Variants in SYT12 observed in about 807,000 individuals in gnomAD.
The protein encoded by SYT12 is synaptotagmin 12, also known as synaptotagmin-12.
A neutral mutation model predicts 39.5 loss-of-function variants in SYT12; 27 were observed. The ratio of observed to expected loss-of-function variants is 0.68; its 90% CI spans 0.50 to 0.94. The LOEUF is 0.94. SYT12 is among the 40% of genes least tolerant of loss of function. The probability of loss-of-function intolerance (pLI) is 0.00; values close to 1 mark genes in which losing one functional copy is unlikely to be tolerated. For synonymous variants in SYT12, 233 were observed against 239.7 expected, an observed-to-expected ratio of 0.97 and a Z score of 0.26; for missense variants, 536 against 572.6, an observed-to-expected ratio of 0.94 and a Z score of 0.65.
Position 67,045,869 on chromosome 11 carries a change from G to T in SYT12, c.1084G>T (p.Val362Leu). The stretch of plus-strand genomic sequence containing the variant: ...CATGATCTTCTCGGTGCCAGCCATT[G>T]TGCTCCAGGTGAGGGGGGCTGGGGG... ...EAMIFSVPAI[V>L]LQDLSLRVTV... The change falls in exon 7 of 8, where the codon GTG becomes TTG. Residue 362 changes from valine to leucine, a missense_variant. By Grantham distance (32) the Val-to-Leu change is conservative. Transcript: ENST00000527043. 1 of 1,614,012 alleles carries T rather than the reference G, an allele frequency of 6.2e-7. No homozygotes were observed. Among genetic ancestry groups the T allele is most frequent in the Non-Finnish European group, 8.5e-7 (1 of 1,179,948 alleles).
chr11:67,027,200 G>A (rs948386896), intron 1 of SYT12: 2 of 152,500 alleles, frequency 1.3e-5, no homozygotes, highest in African/African-American at 4.8e-5. Flanking sequence ...AGGGCACCAG[G>A]CTGGAACATA....
Position 67,011,462 on chromosome 11 carries a change from C to T in SYT12, c.-69+468C>T, listed in dbSNP as rs139691767. 3.9e-3 allele frequency among the ~76,000 whole-genome samples: 589 copies of T among 152,274 alleles called. 1 individual carries two copies. The highest frequency in any genetic ancestry group is 0.013 in the African/African-American group (551 of 41,562). On this transcript the variant is annotated intron_variant, in intron 3 of 10. Coordinates refer to the SYT12 transcript ENST00000393946. ...CTCACCATGTTGGTCAGGCTGATCT[C>T]GAACTCCTGACCTCAGGTGATCCGC... is the stretch of plus-strand genomic sequence containing the variant.
At chr11:67,026,723 C>G (rs911712824) in intron 1 of SYT12, 2 of 152,208 alleles carry the variant, frequency 1.3e-5, no homozygotes, top group Non-Finnish European at 2.9e-5. Flanking sequence ...TCAAGAGATC[C>G]TCCCACACCA....
intron 2 of SYT12, among the ~76,000 whole-genome samples, chr11:67,033,533 G>A (rs989229697): frequency 2.0e-5 from 3 of 152,174 alleles, no homozygotes; most frequent in Non-Finnish European, 4.4e-5. Flanking sequence ...CCAGGGAACT[G>A]TGCGGGGTCG....
chr11:67,027,290 A>C (rs1950194299), intron 1 of SYT12: 1 of 152,468 alleles, frequency 6.6e-6, no homozygotes, highest in East Asian at 1.9e-4. Context: ...CATTGAGGTC[A>C]GGAGTTCAAG....
intron 3 of SYT12, among the ~76,000 whole-genome samples, chr11:67,015,566 TG>T (rs1341693388): frequency 2.0e-5 from 3 of 152,216 alleles, no homozygotes; most frequent in South Asian, 4.1e-4. Context: ...GCTCAGGACT[TG>T]GAGCCAGGAC....
intron 6 of SYT12, among the ~76,000 whole-genome samples, chr11:67,044,922 G>A (rs532034720): frequency 8.5e-5 from 13 of 152,272 alleles, no homozygotes; most frequent in African/African-American, 3.1e-4. Flanking sequence ...GATCCCTGGA[G>A]GGTGGCAGGG....
chr11:67,022,660 A>C (rs528982008), upstream of SYT12: 2 of 152,400 alleles, frequency 1.3e-5, no homozygotes, highest in South Asian at 4.1e-4. Context: ...ACCTGGGTTC[A>C]ATTCTGGCTC....
chr11:67,019,651 CTT>C (rs1209220795), upstream of SYT12, among the ~76,000 whole-genome samples: 1 of 152,120 alleles, frequency 6.6e-6, no homozygotes, highest in Non-Finnish European at 1.5e-5. Context: ...ATCACCAACA[CTT>C]TGGGAGGCCG....
At chr11:67,025,438 C>T (rs1422679886) in intron 1 of SYT12, among the ~76,000 whole-genome samples, 1 of 152,110 alleles carries the variant, frequency 6.6e-6, no homozygotes, top group Admixed American at 6.5e-5. Flanking sequence ...GATGTGCAGT[C>T]TGGGAGCTCA....
rs139697450 is a variant in SYT12 at position 67,045,774 on chromosome 11, A to G, written c.989A>G (p.Asp330Gly). The part of the protein sequence containing the change: ...DPFVKVYLLQ[D>G]GRKMSKKKTA... ...TTCGTCAAGGTGTACCTGCTGCAGG[A>G]TGGGAGGAAGATGAGCAAAAAGAAG... The change falls in exon 7 of 8, where the codon GAT (aspartate) becomes GGT (glycine). Residue 330 changes from aspartate (D) to glycine (G), a missense_variant. Coordinates refer to ENST00000527043, the MANE Select transcript of SYT12 (RefSeq NM_177963.4). 5 of 1,613,658 alleles carry G rather than the reference A, an allele frequency of 3.1e-6. No individual in the cohort carries two copies. The highest frequency in any genetic ancestry group is 2.7e-5 in the African/African-American group (2 of 74,774).
rs1854674890 is a variant in SYT12 at position 67,049,194 on chromosome 11, G to A, written c.*437G>A. The A allele has an allele frequency of 6.4e-6, 1 of 157,346 alleles. No homozygotes were observed. Among genetic ancestry groups the A allele is most frequent in the Admixed American group, 6.3e-5 (1 of 15,912 alleles). The allele number at this position is 157,346 out of a possible 1,614,324, so 9.7% of individuals were successfully genotyped here. A position where few individuals can be genotyped will look rare whatever the true frequency, so the allele number is the denominator to read the frequency against. On this transcript the variant is annotated 3_prime_UTR_variant, in exon 8 of 8. Transcript: ENST00000527043. ...GTGCTGATGGCAGCCCAGCTGTGTGGACTCAGGGGGCTCTGAGGGCTAGGG... is the reference window on the plus strand; with the variant it reads ...GTGCTGATGGCAGCCCAGCTGTGTGAACTCAGGGGGCTCTGAGGGCTAGGG...
chr11:67,039,880 A>C lies in SYT12; in HGVS notation c.298A>C (p.Ile100Leu), dbSNP rs779221109. The change falls in exon 4 of 8, where the codon ATT becomes CTT. Residue 100 changes from isoleucine (I) to leucine (L), a missense_variant. Coordinates refer to ENST00000527043, the MANE Select transcript of SYT12 (RefSeq NM_177963.4). ...ACCCAGCCGCAAAGGCAGTCTCAGC[A>C]TTGAGGACACCTTTGAGAGCATCAG... ...GPPSRKGSLS[I>L]EDTFESISEL... is the part of the protein sequence containing the mutation. The C allele has an allele frequency of 5.8e-5, 94 of 1,613,530 alleles. No homozygotes were observed. The East Asian group carries it at 2.0e-3, about 35-fold the overall frequency.
At chr11:67,047,619 G>A (rs1854598776) in intron 7 of SYT12, among the ~76,000 whole-genome samples, 1 of 151,214 alleles carries the variant, frequency 6.6e-6, no homozygotes, top group African/African-American at 2.4e-5. Flanking sequence ...GAGGTAGCAA[G>A]AGCCCAAGTC....
chr11:67,042,985 G>T (rs146295791), intron 4 of SYT12, among the ~76,000 whole-genome samples: 3 of 152,316 alleles, frequency 2.0e-5, no homozygotes, highest in Admixed American at 6.5e-5. Flanking sequence ...CCTCAGGCAG[G>T]GTCCAGGGAT....
At position 67,043,807 on chromosome 11, in the gene SYT12, C is replaced by T. The variant is rs201856506; in HGVS notation, c.791C>T (p.Pro264Leu). 1.6e-5 allele frequency: 26 copies of T among 1,614,134 alleles called. No homozygotes were observed. The highest frequency in any genetic ancestry group is 1.2e-4 in the Admixed American group (7 of 60,024). The change falls in exon 5 of 8, where the codon CCG (proline) becomes CTG (leucine). Residue 264 changes from proline to leucine, a missense_variant. Coordinates refer to ENST00000527043, the MANE Select transcript of SYT12 (RefSeq NM_177963.4). Reference sequence around the variant, plus strand: ...CTGAAGCTTTCTGTGCTTGACCTCCCGCTGCAGCCCTTCAGTGGCTGGCTC... The same window carrying T: ...CTGAAGCTTTCTGTGCTTGACCTCCTGCTGCAGCCCTTCAGTGGCTGGCTC... ...VELKLSVLDL[P>L]LQPFSGWLYL...
intron 3 of SYT12, among the ~76,000 whole-genome samples, chr11:67,035,434 T>A (rs1407746868): frequency 6.7e-6 from 1 of 149,506 alleles, no homozygotes; most frequent in African/African-American, 2.5e-5. Context: ...TTCTTTTTTT[T>A]CTTTTTCTTT....
chr11:67,044,759 A>T (rs1446094620), intron 6 of SYT12, 46 bp downstream of exon 6: 2 of 1,608,832 alleles, frequency 1.2e-6, no homozygotes, highest in East Asian at 4.5e-5. Flanking sequence ...GCTCAGTGGA[A>T]GCTGTGGCCC....
Position 67,045,859 on chromosome 11 carries a change from G to A in SYT12, c.1074G>A (p.Val358=). The change falls in exon 7 of 8, where the codon GTG becomes GTA. Residue 358 remains valine (V), a synonymous_variant. Transcript: ENST00000527043. The part of the protein sequence containing the change: ...PVFNEAMIFS[V]PAIVLQDLSL... ...TCAACGAAGCCATGATCTTCTCGGT[G>A]CCAGCCATTGTGCTCCAGGTGAGGG... 2 of 1,613,750 alleles carry A rather than the reference G, an allele frequency of 1.2e-6. No homozygotes were observed. Among genetic ancestry groups the A allele is most frequent in the Non-Finnish European group, 1.7e-6 (2 of 1,179,850 alleles).
Sources: gnomAD v4.1 joint callset for allele counts (sites outside exome capture counted in the v4.1 genomes callset) on GRCh38, gnomAD v4.1.1 for gene constraint, MANE v1.5 for transcripts, NCBI Gene and HGNC (gene_info 2026-07-23, HGNC 2026-07-21) for gene names.